The following BCAS1 variants were observed in gnomAD, a reference collection of about 807,000 sequenced individuals.
BCAS1 encodes brain enriched myelin associated protein 1, also known as breast carcinoma-amplified sequence 1.
BCAS1 carries 46 observed loss-of-function variants against 65.4 expected under a neutral mutation model. The observed-to-expected ratio is 0.70, with a 90% CI of 0.55 to 0.90. BCAS1 has a LOEUF of 0.90. Among genes scored for constraint, BCAS1 ranks in the 40% least tolerant of loss-of-function variants. BCAS1 has a pLI of 0.00. For synonymous variants in BCAS1, 298 were observed against 293.5 expected (o/e 1.02, Z -0.16); for missense variants, 793 against 771.2 (o/e 1.03, Z -0.33).
At position 54,064,200 on chromosome 20, in the gene BCAS1, T is replaced by A. The variant is rs570094499; in HGVS notation, c.-5-5477A>T. 2.6e-5 allele frequency among the ~76,000 whole-genome samples: 4 copies of A among 152,324 alleles called. No homozygotes were observed. The East Asian group carries it at 7.7e-4, about 29-fold the overall frequency. On this transcript the variant is annotated intron_variant, in intron 1 of 12. Transcript: ENST00000688948. ...CATGCCCAGGCCCCTGCCAAACTGATGACAGCAGATTCTCTGGGGTGGGGC... is the reference window on the plus strand; with the variant it reads ...CATGCCCAGGCCCCTGCCAAACTGAAGACAGCAGATTCTCTGGGGTGGGGC...
Position 54,039,760 on chromosome 20 carries a change from C to G in BCAS1, c.143-10788G>C, listed in dbSNP as rs369396711. Among the ~76,000 whole-genome samples, 4 of 151,112 alleles carry G rather than the reference C, an allele frequency of 2.6e-5. No individual in the cohort carries two copies. The South Asian group carries it at 8.4e-4, about 32-fold the overall frequency. ...ACCAAAATAATTAATCTCTCTGAACCCTTTGTTTTTCCTGTCTCTATCCTC... is the reference window on the plus strand; with the variant it reads ...ACCAAAATAATTAATCTCTCTGAACGCTTTGTTTTTCCTGTCTCTATCCTC... On this transcript the variant is annotated intron_variant, in intron 3 of 12. Coordinates refer to ENST00000688948, the MANE Select transcript of BCAS1 (RefSeq NM_001366298.2).
At chr20:54,006,593 C>G (rs1008667283) in intron 4 of BCAS1, among the ~76,000 whole-genome samples, 2 of 151,954 alleles carry the variant, frequency 1.3e-5, no homozygotes, top group Admixed American at 1.3e-4. Context: ...GCCTGTAATC[C>G]CAGCTACGGT....
chr20:53,965,810 A>G (rs1198047762), intron 10 of BCAS1, among the ~76,000 whole-genome samples: 1 of 152,200 alleles, frequency 6.6e-6, no homozygotes, highest in East Asian at 1.9e-4. Flanking sequence ...ATGTAATTCA[A>G]AGAAAACCTC....
At position 53,985,352 on chromosome 20, in the gene BCAS1, T is replaced by A; in HGVS notation, c.1210A>T (p.Lys404Ter). ...CCTGATTTCTCCTTGGTGCCTTCCT[T>A]CGCAGGTTCAGGGGTTGTCACGGAC... is the stretch of plus-strand genomic sequence containing the variant. ...TQSVTTPEPA[K>*]EGTKEKSGPT... Residue 404 changes from lysine to a stop codon, truncating the protein, a stop_gained, in exon 8 of 13, where the codon AAG (lysine) becomes TAG (stop). Coordinates refer to ENST00000688948, the MANE Select transcript of BCAS1 (RefSeq NM_001366298.2). LOFTEE classifies it high-confidence loss of function. The A allele has an allele frequency of 6.2e-7, 1 of 1,614,076 alleles. No homozygotes were observed. The highest frequency in any genetic ancestry group is 8.5e-7 in the Non-Finnish European group (1 of 1,179,976).
intron 9 of BCAS1, among the ~76,000 whole-genome samples, chr20:53,972,532 T>G (rs2090206311): frequency 6.6e-6 from 1 of 152,238 alleles, no homozygotes; most frequent in Non-Finnish European, 1.5e-5. Flanking sequence ...AAAGCAGCCA[T>G]AGATGATATG....
chr20:54,005,145 G>A lies in BCAS1; in HGVS notation c.724-9095C>T, dbSNP rs1373593499. On this transcript the variant is annotated intron_variant, in intron 4 of 12. Transcript: ENST00000688948. The stretch of plus-strand genomic sequence containing the variant: ...TGGTGGATAAAGGTCAGTAGATAGG[G>A]ACAAGTACTCTGATAAAAAGACAAG... 4.0e-5 allele frequency among the ~76,000 whole-genome samples: 6 copies of A among 150,598 alleles called. No individual in the cohort carries two copies. In the Admixed American group the frequency reaches 4.0e-4, roughly 10 times the overall value.
chr20:54,009,341 AT>A, intron 4 of BCAS1, among the ~76,000 whole-genome samples: 1 of 152,316 alleles, frequency 6.6e-6, no homozygotes, highest in East Asian at 1.9e-4. Context: ...AAAAACCTCT[AT>A]TAGTAGAGAC....
At chr20:53,950,913 A>G (rs2145485701) in intron 12 of BCAS1, among the ~76,000 whole-genome samples, 1 of 152,310 alleles carries the variant, frequency 6.6e-6, no homozygotes, top group African/African-American at 2.4e-5. Context: ...CAATGTTCCA[A>G]TAAAAATTTA....
rs185483351 is a variant in BCAS1 at position 54,001,683 on chromosome 20, C to A, written c.724-5633G>T. ...CTCCACGCCTTAGCAATCTGCCCAC[C>A]AAACTGACCTTAAAAAACTCTAGCC... On this transcript the variant is annotated intron_variant, in intron 4 of 12. Coordinates refer to ENST00000688948, the MANE Select transcript of BCAS1 (RefSeq NM_001366298.2). 2.6e-3 allele frequency among the ~76,000 whole-genome samples: 402 copies of A among 152,222 alleles called. 2 individuals are homozygous for A. Among genetic ancestry groups the A allele is most frequent in the African/African-American group, 9.5e-3 (394 of 41,544 alleles).
intron 4 of BCAS1, among the ~76,000 whole-genome samples, chr20:54,023,862 A>G (rs1362494350): frequency 6.6e-6 from 1 of 152,224 alleles, no homozygotes; most frequent in South Asian, 2.1e-4. Context: ...ACAACTCTTA[A>G]ATTAGAGTCA....
chr20:53,976,198 C>T (rs1168874126), intron 8 of BCAS1, among the ~76,000 whole-genome samples: 1 of 152,154 alleles, frequency 6.6e-6, no homozygotes, highest in Admixed American at 6.5e-5. Context: ...CTTTGGAGTT[C>T]ATTTTTGCAT....
rs143581072 is a variant in BCAS1, at chr20:53,957,472, G to A, written c.1511C>T (p.Thr504Ile). 6.2e-7 allele frequency: 1 copy of A among 1,614,088 alleles called. No individual in the cohort carries two copies. The highest frequency in any genetic ancestry group is 8.5e-7 in the Non-Finnish European group (1 of 1,179,932). ...TTTCCCATTTATTTCTTCTGAGTGG[G>A]TGATCCCTCCATCCCCTTTCACTGA... ...QMSVKGDGGI[T>I]HSEEINGKDS... is the part of the protein sequence containing the mutation. Residue 504 changes from threonine to isoleucine, a missense_variant, in exon 11 of 13, where the codon ACC becomes ATC. Transcript: ENST00000688948.
chr20:54,011,989 C>T (rs922043813), intron 4 of BCAS1, among the ~76,000 whole-genome samples: 1 of 152,134 alleles, frequency 6.6e-6, no homozygotes, highest in Non-Finnish European at 1.5e-5. Flanking sequence ...AAGTTATTTA[C>T]AATAGCCTCA....
chr20:53,994,683 C>T (rs2276494), intron 6 of BCAS1, among the ~76,000 whole-genome samples: 25,619 of 151,928 alleles, frequency 0.17, 2,177 homozygotes, highest in Middle Eastern at 0.21. Flanking sequence ...CTACGCACAA[C>T]TAAAAAGACT....
chr20:54,040,633 C>T (rs971027262), intron 3 of BCAS1, among the ~76,000 whole-genome samples: 2 of 151,084 alleles, frequency 1.3e-5, no homozygotes, highest in Non-Finnish European at 3.0e-5. Flanking sequence ...CAGTCAAAGC[C>T]ACAGCATGAT....
intron 10 of BCAS1, among the ~76,000 whole-genome samples, chr20:53,959,594 C>T (rs2089813291): frequency 6.6e-6 from 1 of 152,142 alleles, no homozygotes; most frequent in African/African-American, 2.4e-5. Context: ...GACAGAGTCT[C>T]ACTATGTTGC....
chr20:54,043,711 A>G (rs1262409480), intron 3 of BCAS1, among the ~76,000 whole-genome samples: 1 of 152,160 alleles, frequency 6.6e-6, no homozygotes, highest in African/African-American at 2.4e-5. Context: ...CCCCACCCCC[A>G]GGGAAGGGGG....
intron 3 of BCAS1, among the ~76,000 whole-genome samples, chr20:54,051,846 C>T (rs1601004575): frequency 1.3e-5 from 2 of 152,018 alleles, no homozygotes; most frequent in African/African-American, 2.4e-5. Context: ...TCAAGAGATT[C>T]TCCTTCCTCA....
At chr20:54,034,289 C>T (rs1481084108) in intron 3 of BCAS1, among the ~76,000 whole-genome samples, 3 of 151,174 alleles carry the variant, frequency 2.0e-5, no homozygotes, top group South Asian at 2.1e-4. Context: ...CCAGGGCAAT[C>T]GGGCAAGAGA....
Sources: allele counts gnomAD v4.1 joint callset (sites outside exome capture counted in the v4.1 genomes callset), GRCh38; gene constraint gnomAD v4.1.1; transcripts MANE v1.5; gene names NCBI Gene and HGNC (gene_info 2026-07-23, HGNC 2026-07-21).